Variants in NRXN3 observed in about 807,000 individuals in gnomAD.
The protein encoded by NRXN3 is neurexin 3, also known as neurexin III.
NRXN3 carries 32 observed loss-of-function variants against 137.6 expected under a neutral mutation model. The observed-to-expected ratio is 0.23, with a 90% CI of 0.18 to 0.31. The LOEUF (loss-of-function observed/expected upper bound fraction) is 0.31, where lower values mean the gene tolerates loss of function less well. Ranked by LOEUF, NRXN3 falls within the 10% of genes least tolerant of loss-of-function variation. The pLI, the probability that NRXN3 is intolerant of heterozygous loss-of-function variation, is 1.00. For missense variants in NRXN3, 1,574 were observed against 2,062.5 expected (o/e 0.76, Z 4.59); for synonymous variants, 798 against 784.5 (o/e 1.02, Z -0.29).
chr14:79,577,684 T>A (rs989076932), intron 16 of NRXN3, among the ~76,000 whole-genome samples: 3 of 152,222 alleles, frequency 2.0e-5, no homozygotes, highest in Admixed American at 6.5e-5. Flanking sequence ...TCTTGTGTTA[T>A]TTATCTATGT....
Position 79,467,338 on chromosome 14 carries a change from A to G in NRXN3, c.3380A>G (p.Lys1127Arg). The G allele has an allele frequency of 6.2e-7, 1 of 1,613,646 alleles. No individual in the cohort carries two copies. The highest frequency in any genetic ancestry group is 1.3e-5 in the African/African-American group (1 of 75,060). ...GCCGTGGGCTTCAGCACCACTGTGA[A>G]GGATGGCATCTTGGTCCGCATCGAC... ...RLAVGFSTTV[K>R]DGILVRIDSA... The change falls in exon 16 of 21, where the codon AAG (lysine) becomes AGG (arginine). Residue 1127 changes from lysine to arginine, a missense_variant. Around this residue, in one of 5 missense-constraint regions of NRXN3, gnomAD observed 133 missense variants for 241.8 expected, o/e 0.55. Transcript: ENST00000335750.
intron 10 of NRXN3, among the ~76,000 whole-genome samples, chr14:78,925,727 G>A (rs956327039): frequency 2.0e-5 from 3 of 152,138 alleles, no homozygotes; most frequent in African/African-American, 7.2e-5. Context: ...TCCGCATGGA[G>A]CCATCTCTAT....
intron 2 of NRXN3, among the ~76,000 whole-genome samples, chr14:78,269,724 T>C (rs1301840315): frequency 6.6e-6 from 1 of 152,230 alleles, no homozygotes; most frequent in African/African-American, 2.4e-5. Flanking sequence ...AGCTATAGTA[T>C]GCCTCCTCTT....
At chr14:79,038,550 TG>T (rs2099620008) in intron 15 of NRXN3, among the ~76,000 whole-genome samples, 1 of 152,150 alleles carries the variant, frequency 6.6e-6, no homozygotes, top group East Asian at 1.9e-4. Context: ...CACTTAAAAT[TG>T]CTTCCAAATT....
intron 16 of NRXN3, among the ~76,000 whole-genome samples, chr14:79,598,217 G>A (rs546289042): frequency 7.2e-5 from 11 of 152,252 alleles, no homozygotes; most frequent in African/African-American, 9.6e-5. Context: ...GTATAGTATC[G>A]TTGGTGCAGA....
chr14:78,932,817 A>G (rs1251607225), intron 10 of NRXN3, among the ~76,000 whole-genome samples: 1 of 152,106 alleles, frequency 6.6e-6, no homozygotes, highest in Non-Finnish European at 1.5e-5. Flanking sequence ...TATATTTTTT[A>G]TTGTTCAATG....
chr14:78,557,985 C>T (rs1055861894), intron 4 of NRXN3, among the ~76,000 whole-genome samples: 2 of 152,174 alleles, frequency 1.3e-5, no homozygotes, highest in African/African-American at 4.8e-5. Context: ...TAGGTACTAT[C>T]ATCCCCATTT....
intron 4 of NRXN3, among the ~76,000 whole-genome samples, chr14:78,586,126 A>C (rs988055249): frequency 6.6e-6 from 1 of 152,146 alleles, no homozygotes; most frequent in African/African-American, 2.4e-5. Flanking sequence ...TTCTTTATCT[A>C]TTGTCTGTGG....
In NRXN3 at chr14:79,289,796, C is replaced by A. The variant is rs148500439; in HGVS notation, c.3263-177425C>A. 3.3e-4 allele frequency among the ~76,000 whole-genome samples: 50 copies of A among 152,224 alleles called. No individual in the cohort carries two copies. In the East Asian group the frequency reaches 9.3e-3, roughly 28 times the overall value. ...TCCTGTCCTGGTTGGATGTCACTTG[C>A]CAGAAGGCAGGAAAGAAATGGCCTG... On this transcript the variant is annotated intron_variant, in intron 15 of 20. Coordinates refer to ENST00000335750, the MANE Select transcript of NRXN3 (RefSeq NM_001330195.2).
At chr14:78,680,726 C>T (rs1216596830) in intron 6 of NRXN3, among the ~76,000 whole-genome samples, 1 of 152,002 alleles carries the variant, frequency 6.6e-6, no homozygotes, top group East Asian at 1.9e-4. Context: ...TGTTGCTGTC[C>T]CTCTCCTTTT....
chr14:78,681,685 G>T (rs2098077349), intron 6 of NRXN3, among the ~76,000 whole-genome samples: 1 of 152,104 alleles, frequency 6.6e-6, no homozygotes, highest in Non-Finnish European at 1.5e-5. Flanking sequence ...TCCCAAAGCA[G>T]ATGACTAATT....
At chr14:78,231,131 A>T (rs1483271796) in intron 1 of NRXN3, 1 of 152,170 alleles carries the variant, frequency 6.6e-6, no homozygotes, top group African/African-American at 2.4e-5. Flanking sequence ...AGGAGGAGAG[A>T]TGGTAGATTG....
At chr14:78,378,099 A>T (rs2088238847) in intron 4 of NRXN3, among the ~76,000 whole-genome samples, 1 of 152,222 alleles carries the variant, frequency 6.6e-6, no homozygotes, top group Non-Finnish European at 1.5e-5. Flanking sequence ...CAATCTAGAA[A>T]TTAATAACAG....
At chr14:79,129,976 T>C (rs1205003422) in intron 15 of NRXN3, among the ~76,000 whole-genome samples, 4 of 151,570 alleles carry the variant, frequency 2.6e-5, no homozygotes, top group African/African-American at 9.7e-5. Flanking sequence ...TTAAAGTCTG[T>C]TTTATCAGAG....
At chr14:78,853,275 T>G (rs978386594) in intron 10 of NRXN3, among the ~76,000 whole-genome samples, 4 of 152,126 alleles carry the variant, frequency 2.6e-5, no homozygotes, top group African/African-American at 9.7e-5. Flanking sequence ...TGTCCAAGAG[T>G]TCTCATTGTT....
chr14:79,744,249 T>C (rs2098972021), intron 19 of NRXN3, among the ~76,000 whole-genome samples: 1 of 152,162 alleles, frequency 6.6e-6, no homozygotes, highest in African/African-American at 2.4e-5. Flanking sequence ...AATGTTATGA[T>C]CAATTTCTGC....
rs1022537002 is a variant in NRXN3 at position 78,803,705 on chromosome 14, C to A, written c.2130C>A (p.Ser710=). 1.9e-6 allele frequency: 3 copies of A among 1,613,970 alleles called. No individual in the cohort carries two copies. Among genetic ancestry groups the A allele is most frequent in the African/African-American group, 2.7e-5 (2 of 74,904 alleles). The change falls in exon 9 of 21, where the codon TCC becomes TCA. Residue 710 remains serine (S), a synonymous_variant. Coordinates refer to ENST00000335750, the MANE Select transcript of NRXN3 (RefSeq NM_001330195.2). ...MVMHTEAEDV[S]FRFMSQRAYG... ...TGCATACTGAGGCAGAGGATGTGTC[C>A]TTCCGCTTCATGTCCCAGCGAGCTT...
chr14:78,281,090 C>A (rs1016326762), intron 3 of NRXN3, among the ~76,000 whole-genome samples: 2 of 152,196 alleles, frequency 1.3e-5, no homozygotes, highest in African/African-American at 4.8e-5. Flanking sequence ...GTTGCCCCAC[C>A]AACCCCTTGC....
At chr14:79,060,210 G>T (rs8014991) in intron 15 of NRXN3, among the ~76,000 whole-genome samples, 6,504 of 152,300 alleles carry the variant, frequency 0.043, 512 homozygotes, top group African/African-American at 0.15. Context: ...AGAATCTTTA[G>T]TGAAATCTCA....
Sources: gnomAD v4.1 joint callset for allele counts (sites outside exome capture counted in the v4.1 genomes callset) on GRCh38, gnomAD v4.1.1 for gene constraint, gnomAD v4.1.1 regional missense constraint, MANE v1.5 for transcripts, NCBI Gene and HGNC (gene_info 2026-07-23, HGNC 2026-07-21) for gene names.